IL1R2: variants seen among roughly 807,000 people sequenced by gnomAD.
IL1R2 encodes interleukin-1 receptor type 2.
Under a neutral mutation model 39.5 loss-of-function variants are expected in IL1R2, and 46 were observed. The observed-to-expected ratio is 1.16, with a 90% confidence interval of 0.92 to 1.49. The LOEUF (loss-of-function observed/expected upper bound fraction) is 1.49, where lower values mean the gene tolerates loss of function less well. Among genes scored for constraint, IL1R2 ranks in the 40% most tolerant of loss-of-function variants. The probability of loss-of-function intolerance (pLI) is 0.00; values close to 1 mark genes in which losing one functional copy is unlikely to be tolerated. For synonymous variants in IL1R2, 207 were observed against 189.6 expected, an observed-to-expected ratio of 1.09 and a Z score of -0.75; for missense variants, 537 against 502.0, an observed-to-expected ratio of 1.07 and a Z score of -0.67.
chr2:102,009,842 C>T lies in IL1R2; in HGVS notation c.332+16C>T, dbSNP rs200665197. ...GCACTACTAGGTAAGTCTCCCTGTG[C>T]GGGGCTGGGGAGGGGATCCTGGCAG... On this transcript the variant is annotated intron_variant, in intron 3 of 8. Transcript: ENST00000332549. 2.9e-5 allele frequency: 47 copies of T among 1,612,022 alleles called. 1 individual carries two copies. Among genetic ancestry groups the T allele is most frequent in the South Asian group, 5.5e-5 (5 of 91,032 alleles).
chr2:102,027,487 G>C (rs1362774740), intron 8 of IL1R2, among the ~76,000 whole-genome samples: 2 of 152,160 alleles, frequency 1.3e-5, no homozygotes, highest in African/African-American at 2.4e-5. Flanking sequence ...GGACTGAGAG[G>C]TGTATTCAAA....
At chr2:102,019,963 A>G (rs775955332) in intron 5 of IL1R2, 151 bp downstream of exon 5, 13 of 655,950 alleles carry the variant, frequency 2.0e-5, no homozygotes, top group Non-Finnish European at 3.4e-5. Flanking sequence ...CATCAGGTTA[A>G]TAAGACGTGT....
intron 4 of IL1R2, among the ~76,000 whole-genome samples, chr2:102,019,006 C>T (rs953048618): frequency 4.6e-5 from 7 of 152,118 alleles, no homozygotes; most frequent in Non-Finnish European, 8.8e-5. Flanking sequence ...AAAGTGATGT[C>T]CCTGAGAACA....
At position 102,008,618 on chromosome 2, in the gene IL1R2, A is replaced by T. The variant is rs752385484; in HGVS notation, c.43A>T (p.Thr15Ser). ...GTTGGTAATGGGAGTTTCTGCCTTCACCCTTCAGCCTGCGGCACACACAGG... is the reference window on the plus strand; with the variant it reads ...GTTGGTAATGGGAGTTTCTGCCTTCTCCCTTCAGCCTGCGGCACACACAGG... ...YVLVMGVSAF[T>S]LQPAAHTGAA... The change falls in exon 2 of 9, where the codon ACC becomes TCC. Residue 15 changes from threonine (T) to serine (S), a missense_variant. Coordinates refer to ENST00000332549, the MANE Select transcript of IL1R2 (RefSeq NM_004633.4). 1 of 1,614,024 alleles carries T rather than the reference A, an allele frequency of 6.2e-7. No individual in the cohort carries two copies. Among genetic ancestry groups the T allele is most frequent in the South Asian group, 1.1e-5 (1 of 91,088 alleles).
intron 1 of IL1R2, among the ~76,000 whole-genome samples, chr2:102,002,772 C>CTA (rs1553613526): frequency 1.3e-5 from 2 of 151,696 alleles, no homozygotes; most frequent in African/African-American, 4.9e-5. Flanking sequence ...ATATCTATAT[C>CTA]TATATCTATA....
chr2:101,993,291 G>C (rs576033384), intron 1 of IL1R2, among the ~76,000 whole-genome samples: 16 of 152,266 alleles, frequency 1.1e-4, no homozygotes, highest in African/African-American at 3.4e-4. Flanking sequence ...GCTTGCCTGG[G>C]ATGAGCTGCG....
At chr2:101,993,961 C>A (rs946920302) in intron 1 of IL1R2, among the ~76,000 whole-genome samples, 4 of 152,248 alleles carry the variant, frequency 2.6e-5, no homozygotes, top group African/African-American at 7.2e-5. Context: ...TGCACACTCA[C>A]CTCTTCCATG....
chr2:102,019,580 A>C, intron 4 of IL1R2, 58 bp from the exon 5 acceptor site: 1 of 1,181,762 alleles, frequency 8.5e-7, no homozygotes, highest in Middle Eastern at 2.1e-4. Context: ...GATGTAATTC[A>C]TAGCCTTTGA....
chr2:102,011,814 A>G (rs1676655867), intron 3 of IL1R2, among the ~76,000 whole-genome samples: 1 of 152,216 alleles, frequency 6.6e-6, no homozygotes, highest in South Asian at 2.1e-4. Context: ...GTGTTAAGAA[A>G]TCATTGCCCA....
chr2:102,025,143 T>C (rs1311731267), intron 7 of IL1R2, among the ~76,000 whole-genome samples: 2 of 152,190 alleles, frequency 1.3e-5, no homozygotes, highest in African/African-American at 2.4e-5. Context: ...AATTCAGTTC[T>C]CATAAGCAGT....
rs3218932 is a variant in IL1R2, at chr2:102,018,216, G to A, written c.514-1422G>A. On this transcript the variant is annotated intron_variant, in intron 4 of 8. Coordinates refer to ENST00000332549, the MANE Select transcript of IL1R2 (RefSeq NM_004633.4). ...TTCCCACAGTGCTGAGATTATAGGT[G>A]CAAGCCCCCAAGCCCAGCCTAGAAT... 8.4e-3 allele frequency among the ~76,000 whole-genome samples: 1,282 copies of A among 152,302 alleles called. 19 individuals carry two copies. The highest frequency in any genetic ancestry group is 0.03 in the African/African-American group (1,227 of 41,564).
chr2:102,006,546 A>C (rs1676273441), intron 1 of IL1R2, among the ~76,000 whole-genome samples: 2 of 152,196 alleles, frequency 1.3e-5, no homozygotes, highest in Admixed American at 1.3e-4. Flanking sequence ...GATTTACTGC[A>C]AGTCATTCCC....
chr2:102,013,359 G>C (rs1676753068), intron 3 of IL1R2, among the ~76,000 whole-genome samples: 1 of 151,820 alleles, frequency 6.6e-6, no homozygotes, highest in African/African-American at 2.4e-5. Flanking sequence ...TGAGGCAAGA[G>C]ACTGCCCTGT....
intron 5 of IL1R2, chr2:102,021,952 C>T (rs3218957): frequency 1.6e-5 from 8 of 511,646 alleles, no homozygotes; most frequent in Middle Eastern, 6.8e-4. Context: ...CTCCTGTCAG[C>T]GGAATGTGTG....
intron 4 of IL1R2, 105 bp downstream of exon 4, chr2:102,016,156 C>T: frequency 1.2e-6 from 1 of 857,680 alleles, no homozygotes; most frequent in South Asian, 1.8e-5. Flanking sequence ...TGCACACACA[C>T]ACACGCACAA....
At chr2:102,014,373 T>C (rs1184952373) in intron 3 of IL1R2, among the ~76,000 whole-genome samples, 1 of 152,214 alleles carries the variant, frequency 6.6e-6, no homozygotes, top group East Asian at 1.9e-4. Context: ...GGCCTGCATC[T>C]ACTCGCTGCT....
intron 6 of IL1R2, 24 bp from the exon 7 acceptor site, chr2:102,024,509 C>A (rs770610735): frequency 8.9e-6 from 14 of 1,579,898 alleles, no homozygotes; most frequent in Non-Finnish European, 1.2e-5. Context: ...CTGCAGTTGA[C>A]GTGCTGTGCC....
At chr2:102,002,290 G>T (rs1004966257) in intron 1 of IL1R2, among the ~76,000 whole-genome samples, 2 of 150,016 alleles carry the variant, frequency 1.3e-5, no homozygotes, top group Non-Finnish European at 3.0e-5. Context: ...GTCTGTGTCT[G>T]TGTGTCTGTG....
rs531765842 is a variant in IL1R2, at chr2:102,004,567, A to G, written c.-61-3948A>G. Among the ~76,000 whole-genome samples, 68 of 152,140 alleles carry G rather than the reference A, an allele frequency of 4.5e-4. 1 individual carries two copies. The South Asian group carries it at 0.012, about 27-fold the overall frequency. ...GCTGCCCTTGAAATTTCTTTCTTCC[A>G]GTAAGAAGGTCAACTCAGATTCCAG... On this transcript the variant is annotated intron_variant, in intron 1 of 8. Coordinates refer to ENST00000332549, the MANE Select transcript of IL1R2 (RefSeq NM_004633.4).
Sources: allele counts gnomAD v4.1 joint callset (sites outside exome capture counted in the v4.1 genomes callset), GRCh38; gene constraint gnomAD v4.1.1; transcripts MANE v1.5; gene names NCBI Gene and HGNC (gene_info 2026-07-23, HGNC 2026-07-21).